Variants in MED15 observed in about 807,000 individuals in gnomAD.
MED15 encodes the protein mediator of RNA polymerase II transcription subunit 15.
A neutral mutation model predicts 118.7 loss-of-function variants in MED15; 41 were observed. The ratio of observed to expected loss-of-function variants is 0.35; its 90% CI spans 0.27 to 0.45. The LOEUF is 0.45. Among genes scored for constraint, MED15 ranks in the 20% least tolerant of loss-of-function variants. MED15 has a pLI of 1.00. For synonymous variants in MED15, 436 were observed against 413.9 expected (o/e 1.05, Z -0.65); for missense variants, 740 against 1,025.5 (o/e 0.72, Z 3.80).
At chr22:20,585,441 C>A in intron 16 of MED15, 174 bp downstream of exon 16, 1 of 890,004 alleles carries the variant, frequency 1.1e-6, no homozygotes, top group Non-Finnish European at 1.7e-6. Context: ...CTGGCCATGC[C>A]TCAGTCCCCA....
chr22:20,560,797 TAAGGC>T (rs575632251), intron 5 of MED15, among the ~76,000 whole-genome samples: 1 of 152,194 alleles, frequency 6.6e-6, no homozygotes, highest in Non-Finnish European at 1.5e-5. Flanking sequence ...CAGGGAAAAC[TAAGGC>T]AATGAGCAGT....
chr22:20,541,896 C>T (rs1193055265), intron 2 of MED15, among the ~76,000 whole-genome samples: 3 of 152,208 alleles, frequency 2.0e-5, no homozygotes, highest in Non-Finnish European at 4.4e-5. Flanking sequence ...GATCCACCCA[C>T]CTAGGCCTCC....
At chr22:20,576,709 T>C (rs1392669499) in intron 9 of MED15, among the ~76,000 whole-genome samples, 3 of 152,154 alleles carry the variant, frequency 2.0e-5, no homozygotes, top group Non-Finnish European at 2.9e-5. Context: ...AGGAATTAGG[T>C]TGTGTGGCTG....
intron 8 of MED15, among the ~76,000 whole-genome samples, chr22:20,573,391 G>T (rs2056728193): frequency 6.6e-6 from 1 of 152,196 alleles, no homozygotes; most frequent in Admixed American, 6.5e-5. Context: ...TCCCATTGTG[G>T]ACATGTATGT....
At chr22:20,555,275 T>G (rs893382764) in intron 5 of MED15, 127 bp downstream of exon 5, 4 of 1,091,544 alleles carry the variant, frequency 3.7e-6, no homozygotes, top group Non-Finnish European at 5.1e-6. Context: ...TTTTTTGTTT[T>G]TTAAATCTTT....
At chr22:20,527,956 CAAAA>C (rs763536363) in intron 1 of MED15, among the ~76,000 whole-genome samples, 21 of 94,564 alleles carry the variant, frequency 2.2e-4, no homozygotes, top group African/African-American at 7.6e-4. Context: ...GACTCCGTCT[CAAAA>C]AAAAAAAAAA....
intron 1 of MED15, among the ~76,000 whole-genome samples, chr22:20,517,079 G>A (rs184023607): frequency 2.7e-4 from 41 of 151,866 alleles, no homozygotes; most frequent in Non-Finnish European, 5.2e-4. Context: ...AAGGGTAGGC[G>A]CCACCATGCT....
chr22:20,579,347 G>A (rs1182798072), intron 9 of MED15, among the ~76,000 whole-genome samples: 1 of 152,138 alleles, frequency 6.6e-6, no homozygotes, highest in Non-Finnish European at 1.5e-5. Flanking sequence ...TCGTGCTCTT[G>A]GAAATGAATG....
intron 8 of MED15, among the ~76,000 whole-genome samples, chr22:20,572,826 G>A (rs1025580878): frequency 4.6e-5 from 7 of 152,208 alleles, no homozygotes; most frequent in South Asian, 2.1e-4. Flanking sequence ...TCGGGAGGCC[G>A]AGTTGGGAGG....
intron 5 of MED15, among the ~76,000 whole-genome samples, chr22:20,563,725 A>G (rs974556112): frequency 1.3e-5 from 2 of 152,256 alleles, no homozygotes; most frequent in Non-Finnish European, 2.9e-5. Flanking sequence ...CAAAGTATAC[A>G]AAGGATCTCT....
At chr22:20,536,968 T>A in intron 1 of MED15, 149 bp from the exon 2 acceptor site, 1 of 609,264 alleles carries the variant, frequency 1.6e-6, no homozygotes, top group Non-Finnish European at 2.9e-6. Flanking sequence ...CCCCTTCCCA[T>A]ATGCCTCTCC....
In MED15 at chr22:20,584,492, G is replaced by GAGAGGGCCTTCAAGGTC. The variant is rs2057077062; in HGVS notation, c.1803+70_1803+86dup. Reference sequence around the variant, plus strand: ...CCTAAGAGCTCCTGGGAGTGCTGCTGAGAGGGCCTTCAAGGTCAGGGCATC... The same window carrying GAGAGGGCCTTCAAGGTC: ...CCTAAGAGCTCCTGGGAGTGCTGCTGAGAGGGCCTTCAAGGTCAGAGGGCCTTCAAGGTCAGGGCATC... On this transcript the variant is annotated intron_variant, in intron 14 of 17. Coordinates refer to ENST00000263205, the MANE Select transcript of MED15 (RefSeq NM_001003891.3). The GAGAGGGCCTTCAAGGTC allele has an allele frequency of 1.9e-6, 3 of 1,550,420 alleles. No individual in the cohort carries two copies. In the South Asian group the frequency reaches 3.3e-5, roughly 17 times the overall value.
At chr22:20,544,430 C>T (rs574080481) in intron 2 of MED15, among the ~76,000 whole-genome samples, 2 of 152,314 alleles carry the variant, frequency 1.3e-5, no homozygotes, top group South Asian at 4.1e-4. Context: ...CTTTGGGAGG[C>T]TGAGGCGGGC....
At chr22:20,552,297 T>G (rs773737929) in intron 3 of MED15, among the ~76,000 whole-genome samples, 29 of 152,196 alleles carry the variant, frequency 1.9e-4, no homozygotes, top group Non-Finnish European at 2.9e-4. Flanking sequence ...CCCTGTGGGT[T>G]AGGGACAGGC....
At chr22:20,521,598 A>G (rs983596221) in intron 1 of MED15, among the ~76,000 whole-genome samples, 1 of 136,420 alleles carries the variant, frequency 7.3e-6, no homozygotes, top group South Asian at 2.3e-4. Flanking sequence ...GGGTTTCACC[A>G]TGTTAGCCAG....
chr22:20,544,055 T>C (rs1293790352), intron 2 of MED15, among the ~76,000 whole-genome samples: 1 of 152,246 alleles, frequency 6.6e-6, no homozygotes, highest in African/African-American at 2.4e-5. Flanking sequence ...TCACCTTTAA[T>C]TTTCATGTTT....
chr22:20,540,674 A>G (rs749239526), intron 2 of MED15, among the ~76,000 whole-genome samples: 2 of 152,340 alleles, frequency 1.3e-5, no homozygotes, highest in South Asian at 4.1e-4. Flanking sequence ...GTACATCTTC[A>G]TGACCTTGGA....
In MED15 at chr22:20,583,251, G is replaced by C. The variant is rs775805584; in HGVS notation, c.1672+4G>C. On this transcript the variant is annotated splice_donor_region_variant and intron_variant, in intron 12 of 17. Coordinates refer to ENST00000263205, the MANE Select transcript of MED15 (RefSeq NM_001003891.3). Reference sequence around the variant, plus strand: ...AACAAGATCGACAAGAACGAAGGTAGGCTGCAGCCAGGGCAGGGGCCTGCA... The same window carrying C: ...AACAAGATCGACAAGAACGAAGGTACGCTGCAGCCAGGGCAGGGGCCTGCA... 2 of 1,611,596 alleles carry C rather than the reference G, an allele frequency of 1.2e-6. No individual in the cohort carries two copies. The highest frequency in any genetic ancestry group is 4.5e-5 in the East Asian group (2 of 44,800).
At chr22:20,572,528 CCTGGTTCT>C (rs889569860) in intron 8 of MED15, among the ~76,000 whole-genome samples, 1 of 152,240 alleles carries the variant, frequency 6.6e-6, no homozygotes, top group Non-Finnish European at 1.5e-5. Context: ...GCTGTGCACA[CCTGGTTCT>C]CTTTCCAGTG....
Sources: allele counts gnomAD v4.1 joint callset (sites outside exome capture counted in the v4.1 genomes callset), GRCh38; gene constraint gnomAD v4.1.1; transcripts MANE v1.5; gene names NCBI Gene and HGNC (gene_info 2026-07-23, HGNC 2026-07-21).